The following AP3S2 variants were observed in gnomAD, a reference collection of about 807,000 sequenced individuals.
The protein encoded by AP3S2 is adaptor related protein complex 3 subunit sigma 2.
In AP3S2, 22 loss-of-function variants were observed where a neutral mutation model predicts 23.4. That is an observed-to-expected ratio of 0.94 (90% confidence interval 0.67 to 1.34). The LOEUF (loss-of-function observed/expected upper bound fraction) is 1.34, where lower values mean the gene tolerates loss of function less well. Ranked by LOEUF, AP3S2 falls within the 40% of genes most tolerant of loss-of-function variation. AP3S2 has a pLI of 0.00. For missense variants in AP3S2, 241 were observed against 236.9 expected, an observed-to-expected ratio of 1.02 and a Z score of -0.11; for synonymous variants, 86 against 87.1, an observed-to-expected ratio of 0.99 and a Z score of 0.07.
At chr15:89,841,995 T>A (rs1895339547) in intron 4 of AP3S2, among the ~76,000 whole-genome samples, 1 of 152,154 alleles carries the variant, frequency 6.6e-6, no homozygotes. Context: ...ATAAAATAGT[T>A]GTCTCTATGA....
At chr15:89,866,411 T>C (rs1896121716) in intron 4 of AP3S2, among the ~76,000 whole-genome samples, 1 of 151,836 alleles carries the variant, frequency 6.6e-6, no homozygotes, top group South Asian at 2.1e-4. Flanking sequence ...CCTACAGCTG[T>C]CTTCTCCAGG....
rs1450978931 is a variant in AP3S2 at position 89,855,534 on chromosome 15, A to G, written c.345+15941T>C. ...CCAAGAATTATCAATAAAAGAATAA[A>G]TTAAAAAAAAAAAAAAAGAATGGAC... is the stretch of plus-strand genomic sequence containing the variant. On this transcript the variant is annotated intron_variant, in intron 4 of 5. Coordinates refer to ENST00000336418, the MANE Select transcript of AP3S2 (RefSeq NM_005829.5). Among the ~76,000 whole-genome samples, 9 of 113,368 alleles carry G rather than the reference A, an allele frequency of 7.9e-5. No homozygotes were observed. In the Admixed American group the frequency reaches 9.3e-4, roughly 12 times the overall value. The allele number at this position is 113,368 out of a possible 152,430, so 74.4% of individuals were successfully genotyped here.
chr15:89,893,787 C>G, intron 1 of AP3S2, 94 bp downstream of exon 1: 1 of 1,302,632 alleles, frequency 7.7e-7, no homozygotes, highest in Non-Finnish European at 1.1e-6. Flanking sequence ...CCCAGGTGAC[C>G]AAAGAGCGGT....
intron 4 of AP3S2, among the ~76,000 whole-genome samples, chr15:89,854,537 C>CT (rs1180985242): frequency 9.4e-5 from 8 of 84,814 alleles, no homozygotes; most frequent in Non-Finnish European, 1.5e-4. Context: ...GTCAGCCCCC[C>CT]GCCCGGCCAG....
chr15:89,890,558 T>C (rs3867167), intron 1 of AP3S2, among the ~76,000 whole-genome samples: 66,368 of 151,990 alleles, frequency 0.44, 14,782 homozygotes, highest in East Asian at 0.6. Flanking sequence ...GAATCAGCTG[T>C]GAATGCTGTT....
chr15:89,871,697 C>G (rs1896322655), intron 3 of AP3S2, 151 bp from the exon 4 acceptor site: 1 of 766,468 alleles, frequency 1.3e-6, no homozygotes, highest in Non-Finnish European at 2.0e-6. Flanking sequence ...TTGTCTCCAG[C>G]ATTAGCTGAT....
At chr15:89,890,613 T>C (rs923082451) in intron 1 of AP3S2, among the ~76,000 whole-genome samples, 2 of 152,232 alleles carry the variant, frequency 1.3e-5, no homozygotes, top group Admixed American at 6.5e-5. Context: ...AGTCCTGAGA[T>C]GCAAGTCTAG....
At chr15:89,865,014 T>A (rs772792737) in intron 4 of AP3S2, among the ~76,000 whole-genome samples, 7 of 152,170 alleles carry the variant, frequency 4.6e-5, no homozygotes, top group Non-Finnish European at 1.0e-4. Context: ...ACATACCTAC[T>A]AGCTGGATAA....
intron 4 of AP3S2, among the ~76,000 whole-genome samples, chr15:89,868,550 C>G (rs1328972903): frequency 2.3e-5 from 3 of 130,250 alleles, no homozygotes; most frequent in Non-Finnish European, 3.3e-5. Flanking sequence ...CCAGCCGCCC[C>G]GTCCGGGAGG....
At chr15:89,842,612 T>A (rs1895356092) in intron 4 of AP3S2, among the ~76,000 whole-genome samples, 1 of 152,100 alleles carries the variant, frequency 6.6e-6, no homozygotes, top group African/African-American at 2.4e-5. Context: ...AGGACTTTAT[T>A]TATTTTTATT....
At chr15:89,877,908 T>C (rs1299668185) in intron 3 of AP3S2, among the ~76,000 whole-genome samples, 1 of 152,120 alleles carries the variant, frequency 6.6e-6, no homozygotes, top group African/African-American at 2.4e-5. Context: ...ATCAGATCAG[T>C]GATATAGGTG....
intron 4 of AP3S2, among the ~76,000 whole-genome samples, chr15:89,841,904 G>C (rs1895338103): frequency 6.6e-6 from 1 of 152,080 alleles, no homozygotes; most frequent in Non-Finnish European, 1.5e-5. Context: ...GGCAGACTAA[G>C]ACCACAGACT....
chr15:89,880,304 T>G (rs1302046602), intron 3 of AP3S2, among the ~76,000 whole-genome samples: 1 of 152,184 alleles, frequency 6.6e-6, no homozygotes, highest in Non-Finnish European at 1.5e-5. Context: ...TACATATGGA[T>G]GAACAAATAG....
intron 4 of AP3S2, among the ~76,000 whole-genome samples, chr15:89,858,292 C>T (rs545128400): frequency 4.4e-4 from 67 of 151,498 alleles, no homozygotes; most frequent in Non-Finnish European, 8.7e-4. Context: ...AAATACAAAA[C>T]TAGCCGGGTG....
intron 3 of AP3S2, among the ~76,000 whole-genome samples, chr15:89,875,640 G>T (rs1319719620): frequency 1.3e-5 from 2 of 152,184 alleles, no homozygotes; most frequent in Non-Finnish European, 2.9e-5. Context: ...GATAAAGGAA[G>T]AGAGGGACTA....
rs573028417 is a variant in AP3S2, at chr15:89,890,939, A to C, written c.70-1799T>G. On this transcript the variant is annotated intron_variant, in intron 1 of 5. Coordinates refer to ENST00000336418, the MANE Select transcript of AP3S2 (RefSeq NM_005829.5). Reference sequence around the variant, plus strand: ...TACAAATTTGAGTAAATTAATCACTATTTTCCTCATTTCCATTTAAAGAAC... The same window carrying C: ...TACAAATTTGAGTAAATTAATCACTCTTTTCCTCATTTCCATTTAAAGAAC... 9.2e-5 allele frequency among the ~76,000 whole-genome samples: 14 copies of C among 152,288 alleles called. No homozygotes were observed. The East Asian group carries it at 2.1e-3, about 23-fold the overall frequency.
chr15:89,869,648 T>C (rs893816063), intron 4 of AP3S2, among the ~76,000 whole-genome samples: 5 of 151,846 alleles, frequency 3.3e-5, no homozygotes, highest in African/African-American at 9.7e-5. Flanking sequence ...CCTGAGATGT[T>C]AAGAAATTCA....
intron 4 of AP3S2, among the ~76,000 whole-genome samples, chr15:89,853,707 C>T (rs1198561143): frequency 9.4e-4 from 109 of 116,232 alleles, no homozygotes; most frequent in Non-Finnish European, 1.7e-3. Flanking sequence ...AAGTGAGGAG[C>T]GTCTCTGCCC....
rs1433046446 is a variant in AP3S2 at position 89,832,654 on chromosome 15, A to G, written c.*2861T>C. The G allele has an allele frequency of 1.3e-5, 2 of 151,814 alleles. No individual in the cohort carries two copies. The highest frequency in any genetic ancestry group is 4.8e-5 in the African/African-American group (2 of 41,292). 9.4% of individuals were successfully genotyped at this position (151,814 alleles called of 1,614,324 possible). A position where few individuals can be genotyped will look rare whatever the true frequency, so the allele number is the denominator to read the frequency against. On this transcript the variant is annotated 3_prime_UTR_variant, in exon 6 of 6. Coordinates refer to ENST00000336418, the MANE Select transcript of AP3S2 (RefSeq NM_005829.5). The stretch of plus-strand genomic sequence containing the variant: ...CAGGTGTCCACTACCACGGCTGGCC[A>G]ATTTTTTGTATTTTTAGTAGAGATG...
Sources: allele counts gnomAD v4.1 joint callset (sites outside exome capture counted in the v4.1 genomes callset), GRCh38; gene constraint gnomAD v4.1.1; transcripts MANE v1.5; gene names NCBI Gene and HGNC (gene_info 2026-07-23, HGNC 2026-07-21).